The following UBP1 variants were observed in gnomAD, a reference collection of about 807,000 sequenced individuals.
The protein encoded by UBP1 is upstream binding protein 1.
In UBP1, 22 loss-of-function variants were observed where a neutral mutation model predicts 76.1. That is an observed-to-expected ratio of 0.29 (90% CI 0.21 to 0.41). The LOEUF (loss-of-function observed/expected upper bound fraction) is 0.41, where lower values mean the gene tolerates loss of function less well. Ranked by LOEUF, UBP1 falls within the 10% of genes least tolerant of loss-of-function variation. The pLI is 1.00. For missense variants in UBP1, 436 were observed against 668.1 expected (o/e 0.65, Z 3.83); for synonymous variants, 224 against 237.1 (o/e 0.94, Z 0.51).
chr3:33,410,317 T>A (rs749058085), intron 5 of UBP1, among the ~76,000 whole-genome samples: 1 of 152,220 alleles, frequency 6.6e-6, no homozygotes, highest in Non-Finnish European at 1.5e-5. Flanking sequence ...CCTCTTCTAA[T>A]GACTCACTAT....
rs1448686985 is a variant in UBP1, at chr3:33,392,515, C to G, written c.1585+48G>C. 3 of 1,532,798 alleles carry G rather than the reference C, an allele frequency of 2.0e-6. No individual in the cohort carries two copies. The Admixed American group carries it at 5.5e-5, about 28-fold the overall frequency. The allele number at this position is 1,532,798 out of a possible 1,614,324, so 94.9% of individuals were successfully genotyped here. On this transcript the variant is annotated intron_variant, in intron 15 of 15. Coordinates refer to ENST00000283629, the MANE Select transcript of UBP1 (RefSeq NM_014517.5). Reference sequence around the variant, plus strand: ...AGAGGCACTAATTAGAGGCACACACCATCTCTCATGATTCCAGCATTTTAA... The same window carrying G: ...AGAGGCACTAATTAGAGGCACACACGATCTCTCATGATTCCAGCATTTTAA...
intron 8 of UBP1, among the ~76,000 whole-genome samples, chr3:33,405,286 G>T (rs184494936): frequency 1.3e-5 from 2 of 152,266 alleles, no homozygotes; most frequent in Admixed American, 1.3e-4. Flanking sequence ...AGGAAGAACA[G>T]AGTAAAATCT....
intron 1 of UBP1, among the ~76,000 whole-genome samples, chr3:33,427,029 G>A (rs537740582): frequency 3.9e-5 from 6 of 152,274 alleles, no homozygotes; most frequent in Middle Eastern, 3.4e-3. Context: ...GTGCAGTGGT[G>A]GTATCTTGGC....
At chr3:33,434,982 A>T (rs1163527777) in intron 1 of UBP1, among the ~76,000 whole-genome samples, 1 of 152,078 alleles carries the variant, frequency 6.6e-6, no homozygotes, top group Non-Finnish European at 1.5e-5. Context: ...ATGGCGCCCG[A>T]TCTGGTTTTA....
chr3:33,439,605 GGCAGGACTCCGACCCCGCA>G, intron 1 of UBP1, 112 bp downstream of exon 1: 1 of 962,848 alleles, frequency 1.0e-6, no homozygotes, highest in Non-Finnish European at 1.5e-6. Context: ...ACCGCCACGC[GGCAGGACTCCGACCCCGCA>G]GCCCAGGAGG....
intron 3 of UBP1, chr3:33,414,307 AG>A (rs2044674271): frequency 6.6e-6 from 1 of 152,178 alleles, no homozygotes; most frequent in Non-Finnish European, 1.5e-5. Flanking sequence ...GAGAGAGGAA[AG>A]GAACTTCTTA....
At chr3:33,422,638 T>C (rs1414468113) in intron 2 of UBP1, among the ~76,000 whole-genome samples, 1 of 151,064 alleles carries the variant, frequency 6.6e-6, no homozygotes, top group Non-Finnish European at 1.5e-5. Context: ...GGTGGGTGGA[T>C]CACTTTAGCC....
intron 2 of UBP1, among the ~76,000 whole-genome samples, chr3:33,422,180 T>A (rs185337771): frequency 6.6e-6 from 1 of 152,112 alleles, no homozygotes; most frequent in Non-Finnish European, 1.5e-5. Context: ...GACAAAGAGG[T>A]AGGGTGAAAG....
chr3:33,402,371 A>T (rs907110254), intron 9 of UBP1, among the ~76,000 whole-genome samples: 3 of 152,188 alleles, frequency 2.0e-5, no homozygotes, highest in African/African-American at 4.8e-5. Context: ...AGATTTAATT[A>T]AAAAAATAGC....
intron 1 of UBP1, among the ~76,000 whole-genome samples, chr3:33,437,144 A>C (rs1268955499): frequency 6.6e-6 from 1 of 152,228 alleles, no homozygotes; most frequent in Non-Finnish European, 1.5e-5. Flanking sequence ...AGCCAAAAGA[A>C]AAAGAGAAGC....
At chr3:33,392,944 A>C in intron 14 of UBP1, 1 of 325,242 alleles carries the variant, frequency 3.1e-6, no homozygotes, top group Non-Finnish European at 5.5e-6. Flanking sequence ...TCACTAGGGG[A>C]AAAATTATAT....
intron 13 of UBP1, among the ~76,000 whole-genome samples, chr3:33,394,456 A>G (rs545570449): frequency 5.6e-4 from 86 of 152,282 alleles, no homozygotes; most frequent in Non-Finnish European, 1.0e-3. Context: ...AAAAGATACT[A>G]TATGAAAAGC....
chr3:33,437,375 C>T (rs2045220267), intron 1 of UBP1, among the ~76,000 whole-genome samples: 1 of 152,172 alleles, frequency 6.6e-6, no homozygotes, highest in Non-Finnish European at 1.5e-5. Context: ...AAGCAATCTC[C>T]CACGTAGCTA....
chr3:33,411,592 C>G lies in UBP1; in HGVS notation c.544G>C (p.Ala182Pro). 3 of 1,614,032 alleles carry G rather than the reference C, an allele frequency of 1.9e-6. No homozygotes were observed. Among genetic ancestry groups the G allele is most frequent in the Non-Finnish European group, 2.5e-6 (3 of 1,179,956 alleles). ...GTAAAAATCCAAACCTGAATGAAAG[C>G]AGAGGTGCGTTTTGCTGGGTCCCAC... ...FLWDPAKRTS[A>P]FIQVHCISTE... The change falls in exon 5 of 16, where the codon GCT becomes CCT. Residue 182 changes from alanine to proline, a missense_variant. Physicochemically the swap from Ala to Pro is conservative, Grantham distance 27. Transcript: ENST00000283629.
At chr3:33,396,992 A>T in intron 12 of UBP1, 53 bp downstream of exon 12, 8 of 1,520,402 alleles carry the variant, frequency 5.3e-6, no homozygotes, top group Admixed American at 1.7e-5. Flanking sequence ...CAAATTCCCC[A>T]CGCGAAGAAA....
Position 33,392,559 on chromosome 3 carries a change from G to A in UBP1, c.1585+4C>T. On this transcript the variant is annotated splice_donor_region_variant and intron_variant, in intron 15 of 15. Transcript: ENST00000283629. ...ATTTTAAGACACACACACATGCAAA[G>A]TACCTTTTACTGTGGAGAATAAAAA... The A allele has an allele frequency of 6.2e-7, 1 of 1,609,682 alleles. No individual in the cohort carries two copies. The highest frequency in any genetic ancestry group is 8.5e-7 in the Non-Finnish European group (1 of 1,178,412).
chr3:33,392,913 T>G, intron 14 of UBP1: 1 of 361,022 alleles, frequency 2.8e-6, no homozygotes, highest in East Asian at 4.5e-5. Context: ...AAAGTGCTCT[T>G]CTATTATTAC....
intron 5 of UBP1, 139 bp downstream of exon 5, chr3:33,411,442 C>G: frequency 1.5e-6 from 1 of 674,054 alleles, no homozygotes; most frequent in South Asian, 2.1e-5. Context: ...TAGATTAAAC[C>G]TAACTATGTA....
At chr3:33,432,300 G>A (rs1216345310) in intron 1 of UBP1, among the ~76,000 whole-genome samples, 1 of 152,122 alleles carries the variant, frequency 6.6e-6, no homozygotes, top group African/African-American at 2.4e-5. Context: ...CTTCAGCCTG[G>A]GTAACACAGT....
Sources: allele counts gnomAD v4.1 joint callset (sites outside exome capture counted in the v4.1 genomes callset), GRCh38; gene constraint gnomAD v4.1.1; transcripts MANE v1.5; gene names NCBI Gene and HGNC (gene_info 2026-07-23, HGNC 2026-07-21).